Variants in HS6ST3 observed in about 807,000 individuals in gnomAD.
HS6ST3 encodes heparan-sulfate 6-O-sulfotransferase 3.
In HS6ST3, 12 loss-of-function variants were observed where a neutral mutation model predicts 36.7. The observed-to-expected ratio is 0.33, with a 90% CI of 0.21 to 0.53. The LOEUF (loss-of-function observed/expected upper bound fraction) is 0.53, where lower values mean the gene tolerates loss of function less well. Ranked by LOEUF, HS6ST3 falls within the 20% of genes least tolerant of loss-of-function variation. The probability of loss-of-function intolerance (pLI) is 0.95; values close to 1 mark genes in which losing one functional copy is unlikely to be tolerated. For synonymous variants in HS6ST3, 240 were observed against 257.5 expected (o/e 0.93, Z 0.65); for missense variants, 584 against 640.9 (o/e 0.91, Z 0.96).
At chr13:96,317,120 C>A (rs1166190354) in intron 1 of HS6ST3, among the ~76,000 whole-genome samples, 2 of 151,656 alleles carry the variant, frequency 1.3e-5, no homozygotes, top group Non-Finnish European at 2.9e-5. Flanking sequence ...TTCTTTCTTC[C>A]TCCTTCCTCT....
Position 96,771,213 on chromosome 13 carries a change from T to C in HS6ST3, c.708-61277T>C, listed in dbSNP as rs540015354. On this transcript the variant is annotated intron_variant, in intron 1 of 1. Transcript: ENST00000376705. The stretch of plus-strand genomic sequence containing the variant: ...GCATGTTCTCACTCATAGGTGGGAA[T>C]TGAACAATGAGAACACTTGGACACA... 7.9e-5 allele frequency among the ~76,000 whole-genome samples: 11 copies of C among 139,590 alleles called. No individual in the cohort carries two copies. The South Asian group carries it at 2.2e-3, about 28-fold the overall frequency. 91.6% of individuals were successfully genotyped at this position (139,590 alleles called of 152,430 possible).
intron 1 of HS6ST3, among the ~76,000 whole-genome samples, chr13:96,336,601 C>CAG: frequency 6.6e-6 from 1 of 152,056 alleles, no homozygotes; most frequent in Non-Finnish European, 1.5e-5. Context: ...ATCTGCAAGT[C>CAG]AGAGAGAGAG....
chr13:96,341,539 A>G (rs918767813), intron 1 of HS6ST3, among the ~76,000 whole-genome samples: 2 of 152,166 alleles, frequency 1.3e-5, no homozygotes, highest in Non-Finnish European at 1.5e-5. Context: ...TTTTCAAACT[A>G]GAATATTCTC....
intron 1 of HS6ST3, among the ~76,000 whole-genome samples, chr13:96,738,115 C>G (rs1876332514): frequency 6.6e-6 from 1 of 152,152 alleles, no homozygotes; most frequent in African/African-American, 2.4e-5. Flanking sequence ...ATTATTCTGC[C>G]TCCTACACTA....
chr13:96,625,299 CT>C (rs1178753191), intron 1 of HS6ST3, among the ~76,000 whole-genome samples: 3 of 152,158 alleles, frequency 2.0e-5, no homozygotes, highest in Non-Finnish European at 4.4e-5. Context: ...CTGACTTGGG[CT>C]GGTTTCCCAT....
At chr13:96,801,236 C>T (rs1878061252) in intron 1 of HS6ST3, among the ~76,000 whole-genome samples, 1 of 152,070 alleles carries the variant, frequency 6.6e-6, no homozygotes, top group Non-Finnish European at 1.5e-5. Context: ...CTCTGGCAAT[C>T]CCAAGGATGC....
chr13:96,565,876 C>CTT (rs1235606652), intron 1 of HS6ST3, among the ~76,000 whole-genome samples: 1 of 152,046 alleles, frequency 6.6e-6, no homozygotes, highest in African/African-American at 2.4e-5. Flanking sequence ...TATCAGACAT[C>CTT]TGAGAAGAGC....
chr13:96,317,346 A>ATAAAAT (rs1555297597), intron 1 of HS6ST3, among the ~76,000 whole-genome samples: 2 of 18,286 alleles, frequency 1.1e-4, no homozygotes, highest in East Asian at 3.0e-3. Context: ...ATATATATAT[A>ATAAAAT]TATATATATA....
intron 1 of HS6ST3, among the ~76,000 whole-genome samples, chr13:96,784,443 A>G (rs1877594568): frequency 6.6e-6 from 1 of 152,190 alleles, no homozygotes; most frequent in South Asian, 2.1e-4. Context: ...ATATTATTAT[A>G]CCCAAGCACA....
chr13:96,662,614 G>A (rs2056650344), intron 1 of HS6ST3, among the ~76,000 whole-genome samples: 1 of 151,388 alleles, frequency 6.6e-6, no homozygotes, highest in Admixed American at 6.6e-5. Context: ...TTTTTAATTT[G>A]TCATTTCAAC....
At position 96,636,614 on chromosome 13, in the gene HS6ST3, G is replaced by A. The variant is rs189595181; in HGVS notation, c.708-195876G>A. Among the ~76,000 whole-genome samples, 6 of 152,220 alleles carry A rather than the reference G, an allele frequency of 3.9e-5. No individual in the cohort carries two copies. The East Asian group carries it at 1.2e-3, about 30-fold the overall frequency. On this transcript the variant is annotated intron_variant, in intron 1 of 1. Coordinates refer to ENST00000376705, the MANE Select transcript of HS6ST3 (RefSeq NM_153456.4). ...TTATTTACTCTTGGTACTTTGTGGT[G>A]CCAGAATTAACAGCAGCCCAGCTCT...
At chr13:96,119,526 A>G (rs1476931472) in intron 1 of HS6ST3, among the ~76,000 whole-genome samples, 1 of 152,218 alleles carries the variant, frequency 6.6e-6, no homozygotes, top group East Asian at 1.9e-4. Flanking sequence ...TTGGGCGGAT[A>G]ATAGATTTTA....
chr13:96,531,591 A>G (rs550490544), intron 1 of HS6ST3, among the ~76,000 whole-genome samples: 1 of 152,244 alleles, frequency 6.6e-6, no homozygotes, highest in East Asian at 1.9e-4. Context: ...GTGGTCTGTG[A>G]CCCATTAATG....
At chr13:96,373,488 G>A (rs1566341223) in intron 1 of HS6ST3, among the ~76,000 whole-genome samples, 1 of 152,174 alleles carries the variant, frequency 6.6e-6, no homozygotes. Context: ...TAAAAAGAGT[G>A]AGAAGAGTAT....
intron 1 of HS6ST3, among the ~76,000 whole-genome samples, chr13:96,781,847 G>A (rs1420298068): frequency 1.3e-5 from 2 of 152,134 alleles, no homozygotes; most frequent in African/African-American, 2.4e-5. Flanking sequence ...AGCTATTACA[G>A]AGGAATGACA....
intron 1 of HS6ST3, among the ~76,000 whole-genome samples, chr13:96,375,264 C>A (rs2055309229): frequency 6.7e-6 from 1 of 149,370 alleles, no homozygotes; most frequent in Non-Finnish European, 1.5e-5. Context: ...CCCTCCAACT[C>A]CTAGGTGCTT....
At chr13:96,370,677 T>C (rs2055285196) in intron 1 of HS6ST3, among the ~76,000 whole-genome samples, 2 of 152,144 alleles carry the variant, frequency 1.3e-5, no homozygotes, top group East Asian at 1.9e-4. Context: ...TTTGGGAGGC[T>C]GAGGCAGGCA....
At chr13:96,649,956 G>A (rs1013908130) in intron 1 of HS6ST3, among the ~76,000 whole-genome samples, 1 of 151,780 alleles carries the variant, frequency 6.6e-6, no homozygotes, top group South Asian at 2.1e-4. Flanking sequence ...CTTGCTGTTT[G>A]CTGAACTTCA....
At chr13:96,489,958 A>G (rs1849901444) in intron 1 of HS6ST3, among the ~76,000 whole-genome samples, 1 of 151,894 alleles carries the variant, frequency 6.6e-6, no homozygotes, top group African/African-American at 2.4e-5. Context: ...ATTTCATTCT[A>G]TTTTCTTATG....
Sources: gnomAD v4.1 joint callset for allele counts (sites outside exome capture counted in the v4.1 genomes callset) on GRCh38, gnomAD v4.1.1 for gene constraint, MANE v1.5 for transcripts, NCBI Gene and HGNC (gene_info 2026-07-23, HGNC 2026-07-21) for gene names.